The following RAF1 variants were observed in gnomAD, a reference collection of about 807,000 sequenced individuals.
RAF1 encodes Raf-1 proto-oncogene, serine/threonine kinase.
Under a neutral mutation model 81.1 loss-of-function variants are expected in RAF1, and 27 were observed. The ratio of observed to expected loss-of-function variants is 0.33; its 90% CI spans 0.25 to 0.46. The LOEUF (loss-of-function observed/expected upper bound fraction) is 0.46, where lower values mean the gene tolerates loss of function less well. Ranked by LOEUF, RAF1 falls within the 20% of genes least tolerant of loss-of-function variation. The pLI is 1.00. For missense variants in RAF1, 598 were observed against 826.0 expected, an observed-to-expected ratio of 0.72 and a Z score of 3.38; for synonymous variants, 298 against 294.0, an observed-to-expected ratio of 1.01 and a Z score of -0.14.
chr3:12,644,042 A>T (rs2060271109), intron 1 of RAF1, among the ~76,000 whole-genome samples: 1 of 152,168 alleles, frequency 6.6e-6, no homozygotes, highest in Admixed American at 6.6e-5. Context: ...ACTTTCAAAA[A>T]CCCTGGAAAG....
At chr3:12,646,724 G>T (rs1291128182) in intron 1 of RAF1, among the ~76,000 whole-genome samples, 2 of 151,706 alleles carry the variant, frequency 1.3e-5, no homozygotes, top group East Asian at 3.9e-4. Context: ...CTAATTTTTT[G>T]TATATTTAGT....
At chr3:12,655,004 C>A (rs575661632) in intron 1 of RAF1, among the ~76,000 whole-genome samples, 1 of 145,736 alleles carries the variant, frequency 6.9e-6, no homozygotes, top group African/African-American at 2.5e-5. Flanking sequence ...AGTGAGACCC[C>A]CCCCCCGCCA....
intron 5 of RAF1, 103 bp downstream of exon 5, chr3:12,608,663 A>T: frequency 3.9e-6 from 5 of 1,268,812 alleles, no homozygotes; most frequent in Non-Finnish European, 5.8e-6. Context: ...TCATTAAATG[A>T]GTCTAGAATC....
At chr3:12,646,404 T>G (rs1266151201) in intron 1 of RAF1, among the ~76,000 whole-genome samples, 2 of 152,170 alleles carry the variant, frequency 1.3e-5, no homozygotes, top group Admixed American at 1.3e-4. Context: ...AGGTGGAGTC[T>G]TCCTCTGTCA....
rs1471611597 is a variant in RAF1, at chr3:12,603,657, G to A, written c.835-120C>T. 5.4e-6 allele frequency: 3 copies of A among 551,160 alleles called. No homozygotes were observed. In the East Asian group the frequency reaches 8.7e-5, roughly 16 times the overall value. The allele number at this position is 551,160 out of a possible 1,614,324, so 34.1% of individuals were successfully genotyped here. A position where few individuals can be genotyped will look rare whatever the true frequency, so the allele number is the denominator to read the frequency against. ...TAAACCAATAGGACATAACCAAAAA[G>A]CCAAGAGAAGAAAAAGCAGTTCAAA... On this transcript the variant is annotated intron_variant, in intron 7 of 17. Transcript: ENST00000442415.
chr3:12,606,021 G>A (rs752744864), intron 6 of RAF1, among the ~76,000 whole-genome samples, 180 bp downstream of exon 6: 3 of 128,830 alleles, frequency 2.3e-5, no homozygotes, highest in Non-Finnish European at 4.9e-5. Flanking sequence ...AAGACCTACA[G>A]GTCCATAAAC....
intron 12 of RAF1, among the ~76,000 whole-genome samples, chr3:12,591,377 A>C (rs987038868): frequency 2.0e-5 from 3 of 152,124 alleles, no homozygotes; most frequent in Admixed American, 2.0e-4. Context: ...CTCAGCTATA[A>C]AAAAAAGGGT....
chr3:12,617,677 G>T (rs2059415145), intron 2 of RAF1, among the ~76,000 whole-genome samples: 2 of 152,020 alleles, frequency 1.3e-5, no homozygotes, highest in African/African-American at 4.8e-5. Flanking sequence ...CCTGAGGTCA[G>T]GAGTTTGAGA....
intron 1 of RAF1, among the ~76,000 whole-genome samples, chr3:12,637,157 T>C (rs2060056303): frequency 6.6e-6 from 1 of 152,168 alleles, no homozygotes; most frequent in Admixed American, 6.6e-5. Flanking sequence ...CTGAACTCGC[T>C]CAATTTTTAA....
chr3:12,664,106 G>C lies in RAF1; in HGVS notation c.-320C>G. Reference sequence around the variant, plus strand: ...CCCGCCATCTAAGATGGCGGCCCAAGCGCCCGCGATTAAGACTCTCGGGCG... The same window carrying C: ...CCCGCCATCTAAGATGGCGGCCCAACCGCCCGCGATTAAGACTCTCGGGCG... On this transcript the variant is annotated 5_prime_UTR_variant, in exon 1 of 18. Coordinates refer to ENST00000442415, the MANE Select transcript of RAF1 (RefSeq NM_001354689.3). 1 of 398,282 alleles carries C rather than the reference G, an allele frequency of 2.5e-6. No individual in the cohort carries two copies. Among genetic ancestry groups the C allele is most frequent in the African/African-American group, 2.1e-5 (1 of 48,730 alleles). The allele number at this position is 398,282 out of a possible 1,614,324, so 24.7% of individuals were successfully genotyped here. A position where few individuals can be genotyped will look rare whatever the true frequency, so the allele number is the denominator to read the frequency against.
chr3:12,622,310 A>G (rs543121142), intron 1 of RAF1, among the ~76,000 whole-genome samples: 2 of 152,328 alleles, frequency 1.3e-5, no homozygotes, highest in African/African-American at 4.8e-5. Context: ...ACAGCTCCTA[A>G]TAATCCATGT....
intron 1 of RAF1, among the ~76,000 whole-genome samples, chr3:12,648,129 C>T (rs558543315): frequency 1.1e-4 from 17 of 152,200 alleles, no homozygotes; most frequent in African/African-American, 3.9e-4. Context: ...ACCTTCAAAT[C>T]AGTCATTGTT....
Position 12,602,767 on chromosome 3 carries a change from C to G in RAF1, c.894+711G>C, listed in dbSNP as rs150030074. ...AAAATTTATAGCTTATACATGATCT[C>G]CTCACAATAGTGGCAGGACAATTAT... is the stretch of plus-strand genomic sequence containing the variant. On this transcript the variant is annotated intron_variant, in intron 8 of 17. Transcript: ENST00000442415. 7.1e-3 allele frequency among the ~76,000 whole-genome samples: 1,088 copies of G among 152,236 alleles called. 6 individuals carry two copies. Among genetic ancestry groups the G allele is most frequent in the African/African-American group, 0.025 (1,019 of 41,540 alleles).
At chr3:12,587,336 C>T in intron 14 of RAF1, 1 of 535,938 alleles carries the variant, frequency 1.9e-6, no homozygotes. Context: ...GAAATCTCTC[C>T]AAATCACTTT....
chr3:12,608,872 G>A lies in RAF1; in HGVS notation c.475C>T (p.Leu159=), dbSNP rs1169686054. ...GTCTGACATCGAAATCCATTGAGCA[G>A]GAATTTCTGACAGATGTCACAGAAG... Residue 159 remains leucine (L), a synonymous_variant, in exon 5 of 18, where the codon CTG becomes TTG. Coordinates refer to ENST00000442415, the MANE Select transcript of RAF1 (RefSeq NM_001354689.3). The A allele has an allele frequency of 9.3e-6, 15 of 1,614,104 alleles. No homozygotes were observed. The highest frequency in any genetic ancestry group is 1.3e-5 in the Non-Finnish European group (15 of 1,180,004).
At chr3:12,586,383 T>TCA (rs2058333293) in intron 14 of RAF1, among the ~76,000 whole-genome samples, 1 of 152,078 alleles carries the variant, frequency 6.6e-6, no homozygotes, top group East Asian at 1.9e-4. Flanking sequence ...AGTCATACAG[T>TCA]TTAAGTCAAA....
intron 2 of RAF1, among the ~76,000 whole-genome samples, chr3:12,613,917 T>C (rs1291248175): frequency 6.6e-6 from 1 of 151,882 alleles, no homozygotes; most frequent in African/African-American, 2.4e-5. Context: ...GTCGAGAAGG[T>C]GATGGGAGTG....
At chr3:12,603,611 A>G (rs1384628179) in intron 7 of RAF1, 3 of 637,840 alleles carry the variant, frequency 4.7e-6, no homozygotes, top group Non-Finnish European at 8.5e-6. Flanking sequence ...GTTGTTATTA[A>G]AGATGAAGCA....
intron 1 of RAF1, among the ~76,000 whole-genome samples, chr3:12,627,021 C>CAA (rs34692000): frequency 0.17 from 12,872 of 76,686 alleles, 778 homozygotes; most frequent in Admixed American, 0.25. Flanking sequence ...GACTCTGTCT[C>CAA]AAAAAAAAAA....
Sources: allele counts gnomAD v4.1 joint callset (sites outside exome capture counted in the v4.1 genomes callset), GRCh38; gene constraint gnomAD v4.1.1; transcripts MANE v1.5; gene names NCBI Gene and HGNC (gene_info 2026-07-23, HGNC 2026-07-21).